Variants in SMIM19 observed in about 807,000 individuals in gnomAD.
The protein encoded by SMIM19 is small integral membrane protein 19.
A neutral mutation model predicts 13.2 loss-of-function variants in SMIM19; 6 were observed. The ratio of observed to expected loss-of-function variants is 0.45; its 90% CI spans 0.25 to 0.90. SMIM19 has a LOEUF of 0.90. SMIM19 is among the 40% of genes least tolerant of loss of function. SMIM19 has a pLI of 0.19. For synonymous variants in SMIM19, 46 were observed against 43.1 expected, an observed-to-expected ratio of 1.07 and a Z score of -0.27; for missense variants, 138 against 131.0, an observed-to-expected ratio of 1.05 and a Z score of -0.26.
At chr8:42,547,481 A>C (rs1813528950) in intron 2 of SMIM19, among the ~76,000 whole-genome samples, 1 of 152,190 alleles carries the variant, frequency 6.6e-6, no homozygotes, top group Non-Finnish European at 1.5e-5. Context: ...TTTATCATCC[A>C]GCCTGGGTTC....
At chr8:42,552,512 A>C in intron 3 of SMIM19, 32 bp from the exon 4 acceptor site, 1 of 1,610,614 alleles carries the variant, frequency 6.2e-7, no homozygotes. Context: ...AGTTTTATTA[A>C]TTTTATCTCT....
chr8:42,551,286 C>T (rs1361783806), intron 3 of SMIM19, among the ~76,000 whole-genome samples: 1 of 146,172 alleles, frequency 6.8e-6, no homozygotes, highest in African/African-American at 2.6e-5. Context: ...CCACTGCACT[C>T]TAGCCTGGGC....
At chr8:42,549,136 G>C (rs1056448041) in intron 3 of SMIM19, among the ~76,000 whole-genome samples, 16 of 152,120 alleles carry the variant, frequency 1.1e-4, no homozygotes, top group African/African-American at 3.4e-4. Context: ...CATTCTGGCC[G>C]GGAGTGGTGG....
At chr8:42,549,375 G>A (rs553388752) in intron 3 of SMIM19, among the ~76,000 whole-genome samples, 1 of 151,914 alleles carries the variant, frequency 6.6e-6, no homozygotes, top group East Asian at 1.9e-4. Flanking sequence ...TCACACCACT[G>A]GACTGTAGCC....
chr8:42,551,293 G>T (rs1813667716), intron 3 of SMIM19, among the ~76,000 whole-genome samples: 1 of 147,006 alleles, frequency 6.8e-6, no homozygotes, highest in African/African-American at 2.5e-5. Flanking sequence ...ACTCTAGCCT[G>T]GGCGACAGAG....
At chr8:42,549,427 A>G (rs1813594724) in intron 3 of SMIM19, among the ~76,000 whole-genome samples, 1 of 152,114 alleles carries the variant, frequency 6.6e-6, no homozygotes, top group Admixed American at 6.6e-5. Context: ...AAAAAAAAGA[A>G]GTACATTCTG....
At chr8:42,543,038 C>T (rs1813324608) in intron 1 of SMIM19, among the ~76,000 whole-genome samples, 1 of 151,500 alleles carries the variant, frequency 6.6e-6, no homozygotes, top group Non-Finnish European at 1.5e-5. Context: ...TAAAACCAAC[C>T]CCTAGTTGTA....
At chr8:42,551,583 A>G (rs1813677611) in intron 3 of SMIM19, among the ~76,000 whole-genome samples, 1 of 152,206 alleles carries the variant, frequency 6.6e-6, no homozygotes, top group African/African-American at 2.4e-5. Flanking sequence ...TGTGGACAAA[A>G]GCATTATTAT....
Position 42,553,157 on chromosome 8 carries a change from C to G in SMIM19, c.*549C>G, listed in dbSNP as rs1813725809. The G allele has an allele frequency of 1.3e-5, 2 of 151,508 alleles. No homozygotes were observed. Among genetic ancestry groups the G allele is most frequent in the African/African-American group, 4.9e-5 (2 of 41,112 alleles). The allele number at this position is 151,508 out of a possible 1,614,324, so 9.4% of individuals were successfully genotyped here. A position where few individuals can be genotyped will look rare whatever the true frequency, so the allele number is the denominator to read the frequency against. ...CCACCTCCCGGGTTTAAACGATTCT[C>G]CTGCCACAGCCTCCTGAATATTCTG... is the stretch of plus-strand genomic sequence containing the variant. On this transcript the variant is annotated 3_prime_UTR_variant, in exon 4 of 4. Coordinates refer to ENST00000417410, the MANE Select transcript of SMIM19 (RefSeq NM_001135674.2).
At chr8:42,552,507 TATTA>T (rs776744373) in intron 3 of SMIM19, 33 bp from the exon 4 acceptor site, 15 of 1,605,462 alleles carry the variant, frequency 9.3e-6, no homozygotes, top group Non-Finnish European at 1.2e-5. Context: ...TTTGCAGTTT[TATTA>T]ATTTTATCTC....
Position 42,542,404 on chromosome 8 carries a change from C to T in SMIM19, c.-5+31C>T, listed in dbSNP as rs962235648. Reference sequence around the variant, plus strand: ...TACCCTTTGGCTTCAGAATACCAAGCCTTTAGTGTTTCAGAGGGATGAGAG... The same window carrying T: ...TACCCTTTGGCTTCAGAATACCAAGTCTTTAGTGTTTCAGAGGGATGAGAG... On this transcript the variant is annotated intron_variant, in intron 1 of 3. Transcript: ENST00000417410. 5.1e-6 allele frequency: 5 copies of T among 984,460 alleles called. No individual in the cohort carries two copies. In the African/African-American group the frequency reaches 8.7e-5, roughly 17 times the overall value. The allele number at this position is 984,460 out of a possible 1,614,324, so 61.0% of individuals were successfully genotyped here.
At chr8:42,544,978 C>T (rs777914855) in intron 1 of SMIM19, among the ~76,000 whole-genome samples, 5 of 152,100 alleles carry the variant, frequency 3.3e-5, no homozygotes, top group African/African-American at 9.7e-5. Context: ...TTGTAGGCAG[C>T]GTAGAAAAAA....
At chr8:42,546,361 A>T in intron 1 of SMIM19, 108 bp from the exon 2 acceptor site, 1 of 1,294,068 alleles carries the variant, frequency 7.7e-7, no homozygotes, top group Non-Finnish European at 1.0e-6. Flanking sequence ...GCACACAAAC[A>T]GGTGGTGGAC....
intron 2 of SMIM19, among the ~76,000 whole-genome samples, chr8:42,547,594 T>C (rs2131493499): frequency 6.6e-6 from 1 of 152,346 alleles, no homozygotes; most frequent in Non-Finnish European, 1.5e-5. Flanking sequence ...CAGTATAAGC[T>C]TTTCCTTGTT....
chr8:42,545,360 A>G (rs1813442570), intron 1 of SMIM19, among the ~76,000 whole-genome samples: 1 of 152,182 alleles, frequency 6.6e-6, no homozygotes, highest in African/African-American at 2.4e-5. Context: ...GTATCTTTTC[A>G]TCCCATAGCT....
upstream of SMIM19, chr8:42,541,222 T>C (rs1443530080): frequency 6.6e-6 from 1 of 151,836 alleles, no homozygotes. Context: ...CCCTGCCACT[T>C]CCGTCGAGTT....
Position 42,552,555 on chromosome 8 carries a change from G to C in SMIM19, c.271G>C (p.Asp91His). 6.2e-7 allele frequency: 1 copy of C among 1,613,834 alleles called. No homozygotes were observed. The highest frequency in any genetic ancestry group is 1.1e-5 in the South Asian group (1 of 91,038). The change falls in exon 4 of 4, where the codon GAC becomes CAC. Residue 91 changes from aspartate to histidine, a missense_variant. Asp to His is a moderately conservative substitution (Grantham distance 81). Transcript: ENST00000417410. The stretch of plus-strand genomic sequence containing the variant: ...CTTGTTGTGAATAGCAAGAAAGTAC[G>C]ACTATCAGCAGCCACAAAACCAAGC... ...LEMYSISRKY[D>H]YQQPQNQADS...
At chr8:42,546,337 T>C in intron 1 of SMIM19, 132 bp from the exon 2 acceptor site, 2 of 1,021,792 alleles carry the variant, frequency 2.0e-6, no homozygotes, top group African/African-American at 1.6e-5. Context: ...AATCCCATTC[T>C]TGGCTCATGG....
At position 42,552,854 on chromosome 8, in the gene SMIM19, A is replaced by C. The variant is rs1045861386; in HGVS notation, c.*246A>C. 14 of 421,424 alleles carry C rather than the reference A, an allele frequency of 3.3e-5. No individual in the cohort carries two copies. Among genetic ancestry groups the C allele is most frequent in the African/African-American group, 2.8e-4 (14 of 50,768 alleles). The allele number at this position is 421,424 out of a possible 1,614,324, so 26.1% of individuals were successfully genotyped here. A position where few individuals can be genotyped will look rare whatever the true frequency, so the allele number is the denominator to read the frequency against. On this transcript the variant is annotated 3_prime_UTR_variant, in exon 4 of 4. Coordinates refer to ENST00000417410, the MANE Select transcript of SMIM19 (RefSeq NM_001135674.2). Reference sequence around the variant, plus strand: ...CAGCGATGGTGACTTGACCTTGCCAAGACCTGTGATTCCTTCAGGATACAA... The same window carrying C: ...CAGCGATGGTGACTTGACCTTGCCACGACCTGTGATTCCTTCAGGATACAA...
Sources: allele counts gnomAD v4.1 joint callset (sites outside exome capture counted in the v4.1 genomes callset), GRCh38; gene constraint gnomAD v4.1.1; transcripts MANE v1.5; gene names NCBI Gene and HGNC (gene_info 2026-07-23, HGNC 2026-07-21).